The following TENM2 variants were observed in gnomAD, a reference collection of about 807,000 sequenced individuals.
TENM2 encodes the protein teneurin-2.
TENM2 carries 52 observed loss-of-function variants against 245.2 expected under a neutral mutation model. The ratio of observed to expected loss-of-function variants is 0.21; its 90% CI spans 0.17 to 0.27. The LOEUF (loss-of-function observed/expected upper bound fraction) is 0.27. Ranked by LOEUF, TENM2 falls within the 10% of genes least tolerant of loss-of-function variation. The pLI is 1.00. For missense variants in TENM2, 3,046 were observed against 3,666.8 expected, an observed-to-expected ratio of 0.83 and a Z score of 4.37; for synonymous variants, 1,363 against 1,438.9, an observed-to-expected ratio of 0.95 and a Z score of 1.19.
At chr5:167,703,896 A>C (rs900450362) in intron 2 of TENM2, among the ~76,000 whole-genome samples, 2 of 107,902 alleles carry the variant, frequency 1.9e-5, no homozygotes, top group African/African-American at 1.2e-4. Context: ...GTGCTTCAAA[A>C]GTTTGTGTTT....
At chr5:167,838,689 T>C (rs1561839700) in intron 2 of TENM2, among the ~76,000 whole-genome samples, 1 of 152,236 alleles carries the variant, frequency 6.6e-6, no homozygotes, top group South Asian at 2.1e-4. Flanking sequence ...CTTTGCCTAC[T>C]TTGCATACTT....
chr5:167,113,081 G>T, the TENM2 span, among the ~76,000 whole-genome samples: 6 of 152,320 alleles, frequency 3.9e-5, no homozygotes, highest in Middle Eastern at 6.8e-3. Context: ...GCAGTTTCAG[G>T]TAAGAGTGTG....
chr5:167,073,843 A>G, the TENM2 span, among the ~76,000 whole-genome samples: 1 of 152,192 alleles, frequency 6.6e-6, no homozygotes, highest in Non-Finnish European at 1.5e-5. Context: ...AAGCAAAGAG[A>G]AAATCATTAA....
chr5:167,365,732 A>G (rs1415187273), intron 1 of TENM2, among the ~76,000 whole-genome samples: 1 of 152,042 alleles, frequency 6.6e-6, no homozygotes, highest in East Asian at 1.9e-4. Context: ...AGAAAGCTAT[A>G]ATGCTAAGCT....
intron 1 of TENM2, among the ~76,000 whole-genome samples, chr5:167,318,792 C>T (rs1435995038): frequency 1.3e-5 from 2 of 152,120 alleles, no homozygotes; most frequent in Non-Finnish European, 2.9e-5. Context: ...CTGGTGTTCC[C>T]AACAGCTTTG....
the TENM2 span, among the ~76,000 whole-genome samples, chr5:166,979,498 G>C: frequency 1.3e-5 from 2 of 152,166 alleles, no homozygotes; most frequent in Non-Finnish European, 2.9e-5. Flanking sequence ...TGGTGTCAGG[G>C]AGCGAAGCTA....
chr5:167,612,087 T>C (rs1312776140), intron 2 of TENM2, among the ~76,000 whole-genome samples: 2 of 152,176 alleles, frequency 1.3e-5, no homozygotes, highest in Non-Finnish European at 2.9e-5. Flanking sequence ...CACAAAGTCA[T>C]GTGCAAGGTA....
intron 15 of TENM2, 44 bp downstream of exon 17, chr5:168,195,339 G>A: frequency 6.4e-7 from 1 of 1,553,088 alleles, no homozygotes; most frequent in Middle Eastern, 2.2e-4. Context: ...GACCACACGT[G>A]TGTGCAAAGG....
At chr5:167,318,826 T>A (rs371924368) in intron 1 of TENM2, among the ~76,000 whole-genome samples, 76 of 152,332 alleles carry the variant, frequency 5.0e-4, no homozygotes, top group African/African-American at 1.7e-3. Context: ...ACAAGTGGAA[T>A]CTGTGCATGT....
chr5:167,156,505 GTT>G, the TENM2 span, among the ~76,000 whole-genome samples: 549 of 152,270 alleles, frequency 3.6e-3, 2 homozygotes, highest in African/African-American at 0.013. Context: ...AGCTGGGAAA[GTT>G]TTCTTTGTCA....
intron 2 of TENM2, among the ~76,000 whole-genome samples, chr5:167,875,000 A>G (rs1773296849): frequency 6.6e-6 from 1 of 152,170 alleles, no homozygotes; most frequent in African/African-American, 2.4e-5. Context: ...TTCCACTTCT[A>G]CCTCAAACTA....
At chr5:168,045,145 C>T (rs1305422511) in intron 5 of TENM2, among the ~76,000 whole-genome samples, 1 of 152,186 alleles carries the variant, frequency 6.6e-6, no homozygotes, top group Non-Finnish European at 1.5e-5. Flanking sequence ...CCTTCTCCAC[C>T]TCCATCTCAC....
chr5:167,529,506 TAGG>T (rs1321966231), intron 2 of TENM2, among the ~76,000 whole-genome samples: 4 of 152,226 alleles, frequency 2.6e-5, no homozygotes, highest in Admixed American at 1.3e-4. Context: ...TTTCTGCACT[TAGG>T]AGAACTTTCC....
chr5:168,140,493 CA>C (rs1755446605), intron 12 of TENM2, among the ~76,000 whole-genome samples: 1 of 152,096 alleles, frequency 6.6e-6, no homozygotes, highest in Non-Finnish European at 1.5e-5. Context: ...ACCAGCAAAC[CA>C]AGCCAGTGAC....
At chr5:167,679,860 T>A (rs897915417) in intron 2 of TENM2, among the ~76,000 whole-genome samples, 1 of 152,184 alleles carries the variant, frequency 6.6e-6, no homozygotes, top group African/African-American at 2.4e-5. Context: ...TTTTCTAGAA[T>A]GAATGAAGCA....
At chr5:167,659,747 T>TG (rs1755081432) in intron 2 of TENM2, among the ~76,000 whole-genome samples, 2 of 152,302 alleles carry the variant, frequency 1.3e-5, no homozygotes, top group African/African-American at 4.8e-5. Flanking sequence ...AAAATCTTTT[T>TG]GTAGAGTTCG....
chr5:167,444,974 A>C (rs1206470801), intron 2 of TENM2, among the ~76,000 whole-genome samples: 3 of 152,156 alleles, frequency 2.0e-5, no homozygotes, highest in Admixed American at 1.3e-4. Flanking sequence ...ATTTGGAAGA[A>C]TAAGTACAAT....
At chr5:168,198,825 CT>C (rs1476330491) in intron 15 of TENM2, 27 bp from the exon 18 acceptor site, 7 of 1,606,718 alleles carry the variant, frequency 4.4e-6, no homozygotes, top group East Asian at 2.2e-5. Context: ...AGTCTACCCC[CT>C]CATCAGCTCA....
intron 2 of TENM2, among the ~76,000 whole-genome samples, chr5:167,710,629 A>G (rs1227264550): frequency 6.6e-6 from 1 of 152,182 alleles, no homozygotes; most frequent in Non-Finnish European, 1.5e-5. Flanking sequence ...CCATGACATA[A>G]ATTAGGAAGT....
Sources: allele counts gnomAD v4.1 joint callset (sites outside exome capture counted in the v4.1 genomes callset), GRCh38; gene constraint gnomAD v4.1.1; transcripts MANE v1.5; gene names NCBI Gene and HGNC (gene_info 2026-07-23, HGNC 2026-07-21).